The following ITPKB variants were observed in gnomAD, a reference collection of about 807,000 sequenced individuals.
ITPKB encodes inositol-trisphosphate 3-kinase B.
In ITPKB, 13 loss-of-function variants were observed where a neutral mutation model predicts 69.4. The ratio of observed to expected loss-of-function variants is 0.19; its 90% CI spans 0.12 to 0.30. ITPKB has a LOEUF of 0.30. Among genes scored for constraint, ITPKB ranks in the 10% least tolerant of loss-of-function variants. The pLI, the probability that ITPKB is intolerant of heterozygous loss-of-function variation, is 1.00. For missense variants in ITPKB, 1,240 were observed against 1,250.5 expected (o/e 0.99, Z 0.13); for synonymous variants, 584 against 513.7 (o/e 1.14, Z -1.85).
intron 4 of ITPKB, among the ~76,000 whole-genome samples, chr1:226,644,575 G>C (rs540437833): frequency 6.6e-6 from 1 of 152,232 alleles, no homozygotes; most frequent in Non-Finnish European, 1.5e-5. Context: ...GCATGCCCCA[G>C]AGCCACTGAG....
At chr1:226,643,965 G>A (rs1297732208) in intron 4 of ITPKB, among the ~76,000 whole-genome samples, 1 of 152,264 alleles carries the variant, frequency 6.6e-6, no homozygotes, top group East Asian at 1.9e-4. Flanking sequence ...CAGGGGCTGC[G>A]TGTGCATCCA....
intron 4 of ITPKB, among the ~76,000 whole-genome samples, chr1:226,645,933 G>T (rs1241478716): frequency 6.6e-6 from 1 of 152,202 alleles, no homozygotes; most frequent in East Asian, 1.9e-4. Flanking sequence ...CAGTGGCAGG[G>T]TGTGATTTTA....
chr1:226,704,297 C>A (rs879417748), intron 2 of ITPKB, among the ~76,000 whole-genome samples: 3 of 152,140 alleles, frequency 2.0e-5, no homozygotes, highest in African/African-American at 4.8e-5. Flanking sequence ...ATAATTAGAT[C>A]TCCGATGTAA....
chr1:226,635,958 G>C (rs1356030606), intron 7 of ITPKB, among the ~76,000 whole-genome samples: 1 of 152,274 alleles, frequency 6.6e-6, no homozygotes, highest in African/African-American at 2.4e-5. Context: ...TGCAGGGCAG[G>C]TGGGGCCCCT....
intron 2 of ITPKB, among the ~76,000 whole-genome samples, chr1:226,723,574 GGTGT>G (rs758059280): frequency 3.3e-5 from 5 of 151,832 alleles, no homozygotes; most frequent in South Asian, 2.1e-4. Flanking sequence ...CGTGTGTGTG[GGTGT>G]GTGTGTATAG....
chr1:226,652,103 C>T (rs1171469558), intron 2 of ITPKB, among the ~76,000 whole-genome samples: 1 of 152,342 alleles, frequency 6.6e-6, no homozygotes, highest in East Asian at 1.9e-4. Flanking sequence ...AGCACCCAGG[C>T]AGTGCCTAAT....
chr1:226,679,311 G>A (rs1656016215), intron 2 of ITPKB, among the ~76,000 whole-genome samples: 1 of 152,084 alleles, frequency 6.6e-6, no homozygotes, highest in African/African-American at 2.4e-5. Flanking sequence ...TAAAATCTCT[G>A]ACCTAAAAGT....
chr1:226,682,476 C>T (rs1304042740), intron 2 of ITPKB, among the ~76,000 whole-genome samples: 1 of 152,200 alleles, frequency 6.6e-6, no homozygotes, highest in Non-Finnish European at 1.5e-5. Context: ...TTTTGCCCAC[C>T]ATGTGACCTG....
intron 4 of ITPKB, among the ~76,000 whole-genome samples, chr1:226,645,786 C>T (rs1165863861): frequency 6.6e-6 from 1 of 152,094 alleles, no homozygotes; most frequent in Non-Finnish European, 1.5e-5. Context: ...ATCCCAGGTC[C>T]CTGTGGGCTA....
At chr1:226,648,523 C>T in intron 3 of ITPKB, 149 bp downstream of exon 3, 1 of 650,742 alleles carries the variant, frequency 1.5e-6, no homozygotes, top group Non-Finnish European at 2.8e-6. Flanking sequence ...ATTGGTAAGG[C>T]CGCAGCCTGC....
intron 4 of ITPKB, among the ~76,000 whole-genome samples, chr1:226,643,993 A>C (rs1669014361): frequency 1.3e-5 from 2 of 152,196 alleles, no homozygotes; most frequent in Admixed American, 1.3e-4. Flanking sequence ...ACTGTGTAGA[A>C]AAGGGGCAGC....
Position 226,641,420 on chromosome 1 carries a change from A to G in ITPKB, c.2451+501T>C, listed in dbSNP as rs1210858815. Among the ~76,000 whole-genome samples the G allele has an allele frequency of 6.6e-6, 1 of 152,228 alleles. No homozygotes were observed. Among genetic ancestry groups the G allele is most frequent in the Non-Finnish European group, 1.5e-5 (1 of 68,034 alleles). ...TTGTCATGTTGTTTCTTTGGAGCTT[A>G]TGTTTCTATTTCTGTTCCAATAAAT... On this transcript the variant is annotated intron_variant, in intron 5 of 7. Coordinates refer to ENST00000429204, the MANE Select transcript of ITPKB (RefSeq NM_002221.4). This position sits in a 1 kb window ranked among gnomAD's most constrained non-coding sequence, Gnocchi z 4.6.
At chr1:226,725,826 C>T (rs1173608267) in intron 2 of ITPKB, among the ~76,000 whole-genome samples, 1 of 152,196 alleles carries the variant, frequency 6.6e-6, no homozygotes, top group East Asian at 1.9e-4. Flanking sequence ...GAAGTGAAAC[C>T]GGGGCGTTAT....
chr1:226,730,977 G>C (rs1438352799), intron 2 of ITPKB, among the ~76,000 whole-genome samples: 1 of 152,178 alleles, frequency 6.6e-6, no homozygotes, highest in South Asian at 2.1e-4. Flanking sequence ...ACCTAAAAGC[G>C]GGTGAGTCTT....
At chr1:226,646,414 C>T (rs934845518) in intron 4 of ITPKB, among the ~76,000 whole-genome samples, 7 of 152,170 alleles carry the variant, frequency 4.6e-5, no homozygotes, top group Admixed American at 3.3e-4. Flanking sequence ...TCACAGCAGC[C>T]GGCCTCAGGC....
At chr1:226,694,167 C>G (rs1656423037) in intron 2 of ITPKB, among the ~76,000 whole-genome samples, 1 of 152,232 alleles carries the variant, frequency 6.6e-6, no homozygotes. Context: ...AAACCAATCT[C>G]ATTTCTTCTT....
At chr1:226,715,154 C>A (rs1657064848) in intron 2 of ITPKB, among the ~76,000 whole-genome samples, 1 of 152,226 alleles carries the variant, frequency 6.6e-6, no homozygotes, top group Non-Finnish European at 1.5e-5. Context: ...TTAGGTATTA[C>A]AATCTGCCTC....
intron 2 of ITPKB, among the ~76,000 whole-genome samples, chr1:226,729,061 G>A (rs1445246398): frequency 2.0e-5 from 3 of 152,282 alleles, no homozygotes; most frequent in Non-Finnish European, 2.9e-5. Flanking sequence ...AAGCTGAGGT[G>A]GATCTGCAAA....
intron 2 of ITPKB, among the ~76,000 whole-genome samples, chr1:226,711,598 GA>G (rs570019663): frequency 1.4e-3 from 215 of 152,212 alleles, no homozygotes; most frequent in Middle Eastern, 0.014. Flanking sequence ...TGGGTTGTTT[GA>G]AAAAACTACC....
Sources: allele counts gnomAD v4.1 joint callset (sites outside exome capture counted in the v4.1 genomes callset), GRCh38; gene constraint gnomAD v4.1.1; non-coding constraint Gnocchi (gnomAD v3.1); transcripts MANE v1.5; gene names NCBI Gene and HGNC (gene_info 2026-07-23, HGNC 2026-07-21).